Variants in ATXN7 observed in about 807,000 individuals in gnomAD.
The protein encoded by ATXN7 is ataxin-7.
In ATXN7, 12 loss-of-function variants were observed where a neutral mutation model predicts 70.5. The observed-to-expected ratio is 0.17, with a 90% confidence interval of 0.11 to 0.28. The LOEUF is 0.28. ATXN7 is among the 10% of genes least tolerant of loss of function. The probability of loss-of-function intolerance (pLI) is 1.00; values close to 1 mark genes in which losing one functional copy is unlikely to be tolerated. For synonymous variants in ATXN7, 498 were observed against 448.7 expected, an observed-to-expected ratio of 1.11 and a Z score of -1.39; for missense variants, 1,256 against 1,131.7, an observed-to-expected ratio of 1.11 and a Z score of -1.58.
At chr3:63,873,358 G>A (rs1161716475) in intron 1 of ATXN7, among the ~76,000 whole-genome samples, 1 of 152,138 alleles carries the variant, frequency 6.6e-6, no homozygotes, top group Non-Finnish European at 1.5e-5. Flanking sequence ...GCAGCTTCAG[G>A]GATCCAGGTA....
intron 4 of ATXN7, among the ~76,000 whole-genome samples, chr3:63,914,918 G>GTTTTGTTTTGT (rs1186850421): frequency 3.3e-5 from 5 of 152,140 alleles, no homozygotes; most frequent in African/African-American, 1.2e-4. Context: ...TCTTGTTAGT[G>GTTTTGTTTTGT]TTTTGTTTTG....
intron 11 of ATXN7, among the ~76,000 whole-genome samples, chr3:63,994,328 C>T (rs1469596635): frequency 3.9e-5 from 6 of 152,026 alleles, no homozygotes; most frequent in African/African-American, 1.2e-4. Flanking sequence ...TCCACCTCCC[C>T]GGTTCAAGCG....
intron 6 of ATXN7, 57 bp downstream of exon 6, chr3:63,980,224 A>C (rs1284551049): frequency 1.9e-6 from 3 of 1,599,480 alleles, no homozygotes; most frequent in African/African-American, 2.7e-5. Context: ...AACTGTGTAC[A>C]CTAGTGGCAT....
chr3:63,946,620 G>A (rs939288906), intron 4 of ATXN7, among the ~76,000 whole-genome samples: 5 of 150,626 alleles, frequency 3.3e-5, no homozygotes, highest in Admixed American at 6.6e-5. Context: ...TCCAGCCTGG[G>A]CGACAGAGCG....
At chr3:63,990,702 G>T (rs771249406) in intron 10 of ATXN7, 36 bp from the exon 11 acceptor site, 2 of 1,613,922 alleles carry the variant, frequency 1.2e-6, no homozygotes, top group East Asian at 2.2e-5. Flanking sequence ...GCCAGTGTGG[G>T]AGTCAGCAAG....
intron 5 of ATXN7, among the ~76,000 whole-genome samples, chr3:63,962,909 T>TA (rs201956911): frequency 7.2e-4 from 61 of 84,598 alleles, no homozygotes; most frequent in Middle Eastern, 0.012. Context: ...TTTGTATTTC[T>TA]TTTTTTTTTT....
At chr3:63,976,849 A>G (rs1159575719) in intron 5 of ATXN7, among the ~76,000 whole-genome samples, 1 of 152,318 alleles carries the variant, frequency 6.6e-6, no homozygotes, top group South Asian at 2.1e-4. Context: ...ACACAGAAAA[A>G]CATAGGAACC....
At chr3:63,992,010 T>C (rs957643521) in intron 11 of ATXN7, among the ~76,000 whole-genome samples, 1 of 152,054 alleles carries the variant, frequency 6.6e-6, no homozygotes, top group Admixed American at 6.5e-5. Context: ...GGAGTGACTT[T>C]GGTGAATAGT....
rs1274160089 is a variant in ATXN7, at chr3:64,002,093, T to G, written c.*2626T>G. The G allele has an allele frequency of 6.6e-6, 1 of 152,588 alleles. No individual in the cohort carries two copies. The highest frequency in any genetic ancestry group is 1.5e-5 in the Non-Finnish European group (1 of 68,024). The allele number at this position is 152,588 out of a possible 1,614,324, so 9.5% of individuals were successfully genotyped here. On this transcript the variant is annotated 3_prime_UTR_variant, in exon 13 of 13. Transcript: ENST00000674280. ...TATTTTGGAATTTCTTGTTCTATTA[T>G]AAATATGGAAGTATCCCTATTTCAG... is the stretch of plus-strand genomic sequence containing the variant.
chr3:63,912,661 C>T lies in ATXN7; in HGVS notation c.63C>T (p.Gly21=). ...CGCGCCGCGCGGCGGCGGCGGCGGG[C>T]GGAGCAGCGGCCGCGGCCGCCCGGC... ...GEPRRAAAAA[G]GAAAAAARQQ... The change falls in exon 3 of 13, where the codon GGC becomes GGT. Residue 21 remains glycine (G), a synonymous_variant. Coordinates refer to ENST00000674280, the MANE Select transcript of ATXN7 (RefSeq NM_001377405.1). The T allele has an allele frequency of 3.8e-6, 4 of 1,042,664 alleles. No individual in the cohort carries two copies. Among genetic ancestry groups the T allele is most frequent in the Non-Finnish European group, 3.5e-6 (3 of 864,908 alleles). The allele number at this position is 1,042,664 out of a possible 1,614,324, so 64.6% of individuals were successfully genotyped here.
chr3:63,994,278 A>G (rs982799780), intron 11 of ATXN7, among the ~76,000 whole-genome samples: 14 of 152,122 alleles, frequency 9.2e-5, no homozygotes, highest in African/African-American at 3.4e-4. Flanking sequence ...TCAGTCACCG[A>G]GGCTGGAGTG....
Position 63,982,237 on chromosome 3 carries a change from A to G in ATXN7, c.804A>G (p.Thr268=), listed in dbSNP as rs1452699664. The G allele has an allele frequency of 2.0e-5, 33 of 1,614,110 alleles. No individual in the cohort carries two copies. The highest frequency in any genetic ancestry group is 3.3e-5 in the Admixed American group (2 of 60,014). ...VEKIHPKMDG[T]LLKSAVGPTC... The stretch of plus-strand genomic sequence containing the variant: ...AGATTCATCCGAAAATGGATGGCAC[A>G]CTACTGAAATCTGCGGTGGGGCCAA... Residue 268 remains threonine, a synonymous_variant, in exon 7 of 13, where the codon ACA becomes ACG. Coordinates refer to ENST00000674280, the MANE Select transcript of ATXN7 (RefSeq NM_001377405.1).
At chr3:63,993,275 ATTTTTT>A (rs556994956) in intron 11 of ATXN7, among the ~76,000 whole-genome samples, 1 of 115,994 alleles carries the variant, frequency 8.6e-6, no homozygotes, top group African/African-American at 3.2e-5. Context: ...TTGTTGGTGT[ATTTTTT>A]TTTTTTTTTT....
Position 63,982,925 on chromosome 3 carries a change from T to C in ATXN7, c.1013-14T>C, listed in dbSNP as rs779467999. 3.1e-6 allele frequency: 5 copies of C among 1,609,650 alleles called. No individual in the cohort carries two copies. The highest frequency in any genetic ancestry group is 1.7e-5 in the Admixed American group (1 of 59,964). On this transcript the variant is annotated splice_polypyrimidine_tract_variant and intron_variant, in intron 7 of 12. Transcript: ENST00000674280. The stretch of plus-strand genomic sequence containing the variant: ...TTTGTCAGGCCACATGTAATGCCTG[T>C]GTTCTTTTGACAGAAAGAGAGTTTG...
Position 63,977,201 on chromosome 3 carries a change from A to C in ATXN7, c.500-2714A>C, listed in dbSNP as rs551954651. Among the ~76,000 whole-genome samples the C allele has an allele frequency of 2.6e-5, 4 of 152,334 alleles. No homozygotes were observed. In the East Asian group the frequency reaches 7.7e-4, roughly 29 times the overall value. On this transcript the variant is annotated intron_variant, in intron 5 of 12. Coordinates refer to ENST00000674280, the MANE Select transcript of ATXN7 (RefSeq NM_001377405.1). ...CTGGTATTTCTTACAGACAAAAATC[A>C]TGAAAAAGCGAATGCAAAATTTCAG...
intron 1 of ATXN7, among the ~76,000 whole-genome samples, chr3:63,889,898 T>C (rs1022982634): frequency 6.6e-5 from 10 of 152,234 alleles, no homozygotes; most frequent in Non-Finnish European, 1.5e-4. Context: ...TGGGAAAATA[T>C]TCCTGGTAAT....
intron 1 of ATXN7, among the ~76,000 whole-genome samples, chr3:63,894,782 C>T (rs187252900): frequency 3.9e-4 from 59 of 152,214 alleles, no homozygotes; most frequent in Middle Eastern, 3.4e-3. Context: ...CTTTGGCCTC[C>T]CAAAGTGCTA....
In ATXN7 at chr3:63,990,369, G is replaced by T; in HGVS notation, c.1555G>T (p.Ala519Ser). 2.5e-6 allele frequency: 4 copies of T among 1,614,162 alleles called. No homozygotes were observed. Among genetic ancestry groups the T allele is most frequent in the Non-Finnish European group, 3.4e-6 (4 of 1,180,028 alleles). The change falls in exon 10 of 13, where the codon GCA becomes TCA. Residue 519 changes from alanine (A) to serine (S), a missense_variant. Ala to Ser is a moderately conservative substitution (Grantham distance 99, BLOSUM62 1). Coordinates refer to ENST00000674280, the MANE Select transcript of ATXN7 (RefSeq NM_001377405.1). ...TTATTCAGGTCATCATCCTCAGCCAGCATCTGTAAGTTCCACGTCCACCCC... is the reference window on the plus strand; with the variant it reads ...TTATTCAGGTCATCATCCTCAGCCATCATCTGTAAGTTCCACGTCCACCCC... ...CHYSGHHPQP[A>S]SFCTFGSRQI... is the part of the protein sequence containing the mutation.
rs1175705618 is a variant in ATXN7 at position 63,982,204 on chromosome 3, A to T, written c.771A>T (p.Lys257Asn). 1.2e-6 allele frequency: 2 copies of T among 1,614,094 alleles called. No individual in the cohort carries two copies. The highest frequency in any genetic ancestry group is 8.5e-7 in the Non-Finnish European group (1 of 1,180,024). ...GTGACAGCATGACACCCTCTGTGAA[A>T]GTGGAAAAGATTCATCCGAAAATGG... ...PHGRIMTPSV[K>N]VEKIHPKMDG... Residue 257 changes from lysine (K) to asparagine (N), a missense_variant, in exon 7 of 13, where the codon AAA (lysine) becomes AAT (asparagine). Coordinates refer to ENST00000674280, the MANE Select transcript of ATXN7 (RefSeq NM_001377405.1).
Sources: gnomAD v4.1 joint callset for allele counts (sites outside exome capture counted in the v4.1 genomes callset) on GRCh38, gnomAD v4.1.1 for gene constraint, MANE v1.5 for transcripts, NCBI Gene and HGNC (gene_info 2026-07-23, HGNC 2026-07-21) for gene names.